Variants in KIF20B observed in about 807,000 individuals in gnomAD.
The protein encoded by KIF20B is kinesin-like protein KIF20B.
KIF20B carries 188 observed loss-of-function variants against 232.5 expected under a neutral mutation model. The observed-to-expected ratio is 0.81, with a 90% CI of 0.72 to 0.91. KIF20B has a LOEUF of 0.91. Among genes scored for constraint, KIF20B ranks in the 40% least tolerant of loss-of-function variants. The pLI is 0.00. For missense variants in KIF20B, 2,154 were observed against 2,055.9 expected (o/e 1.05, Z -0.92); for synonymous variants, 712 against 683.0 (o/e 1.04, Z -0.66).
At chr10:89,772,567 G>A (rs1208136507) in intron 31 of KIF20B, 122 bp from the exon 32 acceptor site, 1 of 576,314 alleles carries the variant, frequency 1.7e-6, no homozygotes, top group Non-Finnish European at 3.0e-6. Flanking sequence ...ATATTGCAGT[G>A]TTTTTAGTTT....
rs2133114168 is a variant in KIF20B at position 89,729,234 on chromosome 10, C to T, written c.2378C>T (p.Thr793Ile). The T allele has an allele frequency of 2.0e-6, 3 of 1,485,052 alleles. No homozygotes were observed. Among genetic ancestry groups the T allele is most frequent in the Non-Finnish European group, 2.7e-6 (3 of 1,107,784 alleles). 92.0% of individuals were successfully genotyped at this position (1,485,052 alleles called of 1,614,324 possible). A position where few individuals can be genotyped will look rare whatever the true frequency, so the allele number is the denominator to read the frequency against. The change falls in exon 18 of 33, where the codon ACA becomes ATA. Residue 793 changes from threonine (T) to isoleucine (I), a missense_variant. Coordinates refer to ENST00000371728, the MANE Select transcript of KIF20B (RefSeq NM_001284259.2). ...FQNLKSHMEN[T>I]FKCNDKADTS... ...AACCTAAAGTCTCATATGGAAAACA[C>T]ATTTAAATGCAATGTAAGAATTTAA...
intron 21 of KIF20B, among the ~76,000 whole-genome samples, chr10:89,740,470 TC>T (rs1422408383): frequency 4.6e-5 from 7 of 152,034 alleles, no homozygotes; most frequent in Non-Finnish European, 1.0e-4. Flanking sequence ...GTACAATAGT[TC>T]TCATGACTCA....
intron 7 of KIF20B, among the ~76,000 whole-genome samples, 160 bp from the exon 8 acceptor site, chr10:89,714,795 T>C (rs1211153029): frequency 6.6e-6 from 1 of 152,204 alleles, no homozygotes; most frequent in Non-Finnish European, 1.5e-5. Flanking sequence ...AATCCACATA[T>C]TATTTACATC....
chr10:89,771,752 C>CGA (rs1282280029), intron 31 of KIF20B, among the ~76,000 whole-genome samples: 1 of 151,954 alleles, frequency 6.6e-6, no homozygotes, highest in African/African-American at 2.4e-5. Context: ...TATAAAACTG[C>CGA]GAGAGCCTTT....
intron 27 of KIF20B, among the ~76,000 whole-genome samples, chr10:89,759,793 T>A (rs77118860): frequency 0.027 from 4,079 of 152,244 alleles, 358 homozygotes; most frequent in East Asian, 0.27. Context: ...CTAGTTACTT[T>A]CCCTTTTATG....
At chr10:89,762,958 C>A in intron 29 of KIF20B, 123 bp downstream of exon 29, 2 of 677,558 alleles carry the variant, frequency 3.0e-6, no homozygotes, top group South Asian at 1.8e-5. Context: ...ACCAAAATCA[C>A]AATTTATGCT....
chr10:89,703,163 C>A (rs1842647276), intron 1 of KIF20B, among the ~76,000 whole-genome samples: 1 of 152,084 alleles, frequency 6.6e-6, no homozygotes, highest in Non-Finnish European at 1.5e-5. Context: ...TGGGCATTTC[C>A]ATGAACTCTG....
intron 12 of KIF20B, among the ~76,000 whole-genome samples, 182 bp downstream of exon 12, chr10:89,719,054 C>T (rs558262520): frequency 6.6e-6 from 1 of 152,040 alleles, no homozygotes; most frequent in Non-Finnish European, 1.5e-5. Flanking sequence ...TTAAAATGAC[C>T]TTTAGTAATA....
intron 31 of KIF20B, 68 bp downstream of exon 31, chr10:89,768,956 T>C: frequency 7.9e-7 from 1 of 1,273,228 alleles, no homozygotes; most frequent in African/African-American, 1.5e-5. Context: ...ACCTAATTGA[T>C]ATATAAACTC....
intron 21 of KIF20B, among the ~76,000 whole-genome samples, chr10:89,739,851 A>G (rs1434483913): frequency 2.0e-5 from 3 of 152,042 alleles, no homozygotes; most frequent in Non-Finnish European, 4.4e-5. Context: ...TTTCTTCTCA[A>G]ACTTTTATTT....
intron 1 of KIF20B, among the ~76,000 whole-genome samples, chr10:89,704,121 A>G (rs1842673301): frequency 6.6e-6 from 1 of 152,104 alleles, no homozygotes; most frequent in Non-Finnish European, 1.5e-5. Flanking sequence ...TAAGATCCCT[A>G]CCAGCTGTGA....
intron 13 of KIF20B, among the ~76,000 whole-genome samples, chr10:89,721,650 A>AC (rs1408816261): frequency 6.6e-6 from 1 of 152,116 alleles, no homozygotes; most frequent in African/African-American, 2.4e-5. Flanking sequence ...GGCCTGGGTG[A>AC]CAGAGTGAGA....
Position 89,723,981 on chromosome 10 carries a change from A to G in KIF20B, c.1740A>G (p.Ile580Met), listed in dbSNP as rs748313937. 3 of 1,565,210 alleles carry G rather than the reference A, an allele frequency of 1.9e-6. No homozygotes were observed. The highest frequency in any genetic ancestry group is 2.6e-6 in the Non-Finnish European group (3 of 1,159,580). The change falls in exon 14 of 33, where the codon ATA (isoleucine) becomes ATG (methionine). Residue 580 changes from isoleucine to methionine, a missense_variant. Transcript: ENST00000371728. The stretch of plus-strand genomic sequence containing the variant: ...TGTAATAGAAACTGTTGGACTTAAT[A>G]GAAGACTTGAAAAAAAAACTGATAA... ...HEEKRKLLDL[I>M]EDLKKKLINE...
In KIF20B at chr10:89,733,060, C is replaced by T; in HGVS notation, c.2545+4C>T. On this transcript the variant is annotated splice_donor_region_variant and intron_variant, in intron 19 of 32. Coordinates refer to ENST00000371728, the MANE Select transcript of KIF20B (RefSeq NM_001284259.2). ...GATGAACCACCAGCAAAGAAAGGTACTACTTCAGCTGCCAGCAGCAGGCGT... is the reference window on the plus strand; with the variant it reads ...GATGAACCACCAGCAAAGAAAGGTATTACTTCAGCTGCCAGCAGCAGGCGT... 3 of 1,613,244 alleles carry T rather than the reference C, an allele frequency of 1.9e-6. No homozygotes were observed. The South Asian group carries it at 3.3e-5, about 18-fold the overall frequency.
rs1176335101 is a variant in KIF20B at position 89,774,070 on chromosome 10, T to C, written c.*22T>C. 6.9e-7 allele frequency: 1 copy of C among 1,453,066 alleles called. No individual in the cohort carries two copies. The highest frequency in any genetic ancestry group is 1.8e-5 in the Admixed American group (1 of 54,684). 90.0% of individuals were successfully genotyped at this position (1,453,066 alleles called of 1,614,324 possible). ...ATAAATCACTTATGGAAATGTTTAA[T>C]ATAAATTTTATAGTCATAGTCATTG... On this transcript the variant is annotated 3_prime_UTR_variant, in exon 33 of 33. Transcript: ENST00000371728.
At chr10:89,715,262 T>A in intron 8 of KIF20B, 80 bp downstream of exon 8, 1 of 852,672 alleles carries the variant, frequency 1.2e-6, no homozygotes, top group Non-Finnish European at 1.8e-6. Context: ...CTAAAACAAA[T>A]AGAAAATTGA....
chr10:89,706,210 G>C (rs1222617628), intron 2 of KIF20B, among the ~76,000 whole-genome samples: 2 of 152,038 alleles, frequency 1.3e-5, no homozygotes, highest in East Asian at 3.9e-4. Context: ...ATCCTGTTGT[G>C]GTTTTAGTTT....
chr10:89,747,841 C>T (rs1430227336), intron 23 of KIF20B, among the ~76,000 whole-genome samples: 1 of 151,208 alleles, frequency 6.6e-6, no homozygotes, highest in Non-Finnish European at 1.5e-5. Flanking sequence ...ACATATGTAA[C>T]TAACCTGCAC....
intron 13 of KIF20B, among the ~76,000 whole-genome samples, chr10:89,721,119 G>GACACATC (rs1453947918): frequency 6.6e-6 from 1 of 152,150 alleles, no homozygotes; most frequent in Non-Finnish European, 1.5e-5. Context: ...TAATGGTGTT[G>GACACATC]ACACATCACA....
Sources: gnomAD v4.1 joint callset for allele counts (sites outside exome capture counted in the v4.1 genomes callset) on GRCh38, gnomAD v4.1.1 for gene constraint, MANE v1.5 for transcripts, NCBI Gene and HGNC (gene_info 2026-07-23, HGNC 2026-07-21) for gene names.